The following GRID2 variants were observed in gnomAD, a reference collection of about 807,000 sequenced individuals.
The protein encoded by GRID2 is glutamate ionotropic receptor delta type subunit 2.
Under a neutral mutation model 114.8 loss-of-function variants are expected in GRID2, and 33 were observed. The observed-to-expected ratio is 0.29, with a 90% CI of 0.22 to 0.38. GRID2 has a LOEUF of 0.38. Among genes scored for constraint, GRID2 ranks in the 10% least tolerant of loss-of-function variants. The pLI is 1.00. For synonymous variants in GRID2, 505 were observed against 449.9 expected, an observed-to-expected ratio of 1.12 and a Z score of -1.55; for missense variants, 1,184 against 1,257.7, an observed-to-expected ratio of 0.94 and a Z score of 0.89.
At chr4:93,655,252 T>C (rs541854455) in intron 14 of GRID2, among the ~76,000 whole-genome samples, 18 of 152,294 alleles carry the variant, frequency 1.2e-4, no homozygotes, top group African/African-American at 4.1e-4. Flanking sequence ...AAGTAAATTA[T>C]AAAATACAAA....
intron 2 of GRID2, among the ~76,000 whole-genome samples, chr4:92,871,344 G>C (rs936227357): frequency 5.9e-5 from 9 of 151,682 alleles, no homozygotes; most frequent in Non-Finnish European, 1.5e-5. Context: ...CAAGTTAAAA[G>C]GTTAAGTAAA....
chr4:92,686,483 G>C (rs1390676657), intron 2 of GRID2, among the ~76,000 whole-genome samples: 1 of 151,912 alleles, frequency 6.6e-6, no homozygotes, highest in Non-Finnish European at 1.5e-5. Flanking sequence ...GGGTTGTGTT[G>C]CCTTGACAAC....
At chr4:92,451,165 C>T (rs1473671681) in intron 1 of GRID2, among the ~76,000 whole-genome samples, 1 of 152,014 alleles carries the variant, frequency 6.6e-6, no homozygotes, top group Non-Finnish European at 1.5e-5. Flanking sequence ...AAGAGACTAG[C>T]CTGACCGTGG....
chr4:93,308,388 C>T (rs1365102953), intron 8 of GRID2, among the ~76,000 whole-genome samples: 4 of 152,042 alleles, frequency 2.6e-5, no homozygotes, highest in Non-Finnish European at 2.9e-5. Flanking sequence ...CATTCATTTC[C>T]GTGAGTATTA....
At chr4:92,699,700 G>A (rs1734580460) in intron 2 of GRID2, among the ~76,000 whole-genome samples, 1 of 152,106 alleles carries the variant, frequency 6.6e-6, no homozygotes, top group African/African-American at 2.4e-5. Context: ...AGCATGCATG[G>A]CTAAGAAACC....
intron 2 of GRID2, among the ~76,000 whole-genome samples, chr4:92,749,934 T>C (rs923943869): frequency 2.4e-4 from 37 of 151,182 alleles, no homozygotes; most frequent in Admixed American, 2.2e-3. Context: ...AGATCTCGGC[T>C]GACTGCAACC....
intron 4 of GRID2, among the ~76,000 whole-genome samples, chr4:93,146,824 T>A (rs143247828): frequency 6.6e-6 from 1 of 152,308 alleles, no homozygotes; most frequent in East Asian, 1.9e-4. Context: ...TTCAATATGT[T>A]TCATTTGTGG....
At chr4:93,054,437 A>G (rs1381913272) in intron 2 of GRID2, among the ~76,000 whole-genome samples, 1 of 151,802 alleles carries the variant, frequency 6.6e-6, no homozygotes, top group Non-Finnish European at 1.5e-5. Flanking sequence ...AGATTGAATA[A>G]TAAACTTGCC....
intron 9 of GRID2, among the ~76,000 whole-genome samples, chr4:93,421,646 A>G (rs1376189624): frequency 6.6e-6 from 1 of 152,172 alleles, no homozygotes; most frequent in African/African-American, 2.4e-5. Flanking sequence ...GGCACTACTG[A>G]GGCAAATGAA....
At chr4:92,722,857 A>C (rs1444089105) in intron 2 of GRID2, among the ~76,000 whole-genome samples, 2 of 145,746 alleles carry the variant, frequency 1.4e-5, no homozygotes, top group African/African-American at 2.6e-5. Context: ...GTTGATGATT[A>C]TGATTAGTTC....
intron 1 of GRID2, among the ~76,000 whole-genome samples, chr4:92,521,089 C>A (rs1724750878): frequency 6.6e-6 from 1 of 151,816 alleles, no homozygotes; most frequent in Non-Finnish European, 1.5e-5. Flanking sequence ...AAAACTACCT[C>A]AATAAATAAA....
intron 13 of GRID2, among the ~76,000 whole-genome samples, chr4:93,596,540 T>C (rs1739115370): frequency 6.6e-6 from 1 of 151,144 alleles, no homozygotes. Flanking sequence ...ATCGCGTCAC[T>C]GCACTCCAGC....
In GRID2 at chr4:92,374,056, T is replaced by C. The variant is rs138384945; in HGVS notation, c.88+69312T>C. Among the ~76,000 whole-genome samples, 426 of 151,756 alleles carry C rather than the reference T, an allele frequency of 2.8e-3. 2 individuals are homozygous for C. Among genetic ancestry groups the C allele is most frequent in the African/African-American group, 1.0e-2 (413 of 41,392 alleles). The stretch of plus-strand genomic sequence containing the variant: ...CCCCCCCGCCCTGCCACCCCAACCG[T>C]CTAAATGGACCTCCTCCTCAGCAAG... On this transcript the variant is annotated intron_variant, in intron 1 of 15. Transcript: ENST00000282020.
chr4:93,511,770 T>C (rs1729206008), intron 12 of GRID2, among the ~76,000 whole-genome samples: 1 of 150,970 alleles, frequency 6.6e-6, no homozygotes, highest in Non-Finnish European at 1.5e-5. Context: ...GATTTTTCCA[T>C]TCCTTCTTCT....
intron 2 of GRID2, among the ~76,000 whole-genome samples, chr4:92,875,049 G>C (rs1278147170): frequency 2.7e-5 from 4 of 148,762 alleles, no homozygotes; most frequent in African/African-American, 4.9e-5. Context: ...GACTTTATTA[G>C]ATGTAAATAT....
At chr4:93,277,888 A>G (rs1268422229) in intron 8 of GRID2, among the ~76,000 whole-genome samples, 3 of 151,996 alleles carry the variant, frequency 2.0e-5, no homozygotes, top group African/African-American at 7.2e-5. Flanking sequence ...TGAATTTTCA[A>G]GGAAGTATAA....
At chr4:92,459,939 C>T (rs1410140574) in intron 1 of GRID2, among the ~76,000 whole-genome samples, 2 of 148,806 alleles carry the variant, frequency 1.3e-5, no homozygotes, top group East Asian at 4.1e-4. Context: ...CAAACTGTCA[C>T]TCTTTCCTGG....
intron 1 of GRID2, among the ~76,000 whole-genome samples, chr4:92,523,710 G>A (rs1416802077): frequency 1.3e-5 from 2 of 152,024 alleles, no homozygotes; most frequent in South Asian, 2.1e-4. Context: ...GTGATAGCAG[G>A]TTCAGCAGAG....
intron 2 of GRID2, among the ~76,000 whole-genome samples, chr4:92,837,713 C>T (rs538790119): frequency 1.3e-5 from 2 of 152,106 alleles, no homozygotes; most frequent in Admixed American, 1.3e-4. Flanking sequence ...TTATACTGTA[C>T]CTTTCCATGT....
Sources: gnomAD v4.1 joint callset for allele counts (sites outside exome capture counted in the v4.1 genomes callset) on GRCh38, gnomAD v4.1.1 for gene constraint, MANE v1.5 for transcripts, NCBI Gene and HGNC (gene_info 2026-07-23, HGNC 2026-07-21) for gene names.